The following TAX1BP1 variants were observed in gnomAD, a reference collection of about 807,000 sequenced individuals.
The protein encoded by TAX1BP1 is Tax1 binding protein 1, also known as tax1-binding protein 1.
A neutral mutation model predicts 97.7 loss-of-function variants in TAX1BP1; 62 were observed. The ratio of observed to expected loss-of-function variants is 0.63; its 90% CI spans 0.52 to 0.78. The LOEUF (loss-of-function observed/expected upper bound fraction) is 0.78, where lower values mean the gene tolerates loss of function less well. TAX1BP1 is among the 30% of genes least tolerant of loss of function. TAX1BP1 has a pLI of 0.00. For synonymous variants in TAX1BP1, 340 were observed against 304.2 expected (o/e 1.12, Z -1.23); for missense variants, 867 against 916.1 (o/e 0.95, Z 0.69).
At chr7:27,811,585 A>AT (rs35055673) in intron 13 of TAX1BP1, among the ~76,000 whole-genome samples, 20,404 of 147,376 alleles carry the variant, frequency 0.14, 1,611 homozygotes, top group African/African-American at 0.23. Context: ...CCTCTGGTTG[A>AT]TTTTTTTTTT....
intron 13 of TAX1BP1, among the ~76,000 whole-genome samples, chr7:27,814,782 C>A (rs1644107473): frequency 6.6e-6 from 1 of 151,902 alleles, no homozygotes. Context: ...GTCACCCATG[C>A]TGGAGTGCAG....
chr7:27,753,118 G>A (rs908781757), intron 2 of TAX1BP1, among the ~76,000 whole-genome samples: 1 of 152,142 alleles, frequency 6.6e-6, no homozygotes, highest in African/African-American at 2.4e-5. Context: ...TGGCCAAAAT[G>A]GCGAAACCCT....
rs1455904685 is a variant in TAX1BP1, at chr7:27,741,114, TCA to T, written c.-8+850_-8+851del. On this transcript the variant is annotated intron_variant, in intron 1 of 16. Transcript: ENST00000396319. ...CATACACAGTGTTAGATTTCCGGTT[TCA>T]CACAGTGGTTATGAATTGCTATTAT... is the stretch of plus-strand genomic sequence containing the variant. 3.9e-5 allele frequency among the ~76,000 whole-genome samples: 6 copies of T among 152,250 alleles called. No individual in the cohort carries two copies. The East Asian group carries it at 7.7e-4, about 20-fold the overall frequency.
intron 13 of TAX1BP1, among the ~76,000 whole-genome samples, chr7:27,812,340 C>G (rs1790587688): frequency 6.6e-6 from 1 of 152,096 alleles, no homozygotes; most frequent in Non-Finnish European, 1.5e-5. Context: ...TTTTATTGAG[C>G]TGTCTGTCAT....
At chr7:27,742,023 T>G (rs886786709) in intron 1 of TAX1BP1, among the ~76,000 whole-genome samples, 1 of 152,238 alleles carries the variant, frequency 6.6e-6, no homozygotes. Flanking sequence ...GCTGCCCACA[T>G]GTCCCACCTC....
intron 11 of TAX1BP1, 70 bp downstream of exon 11, chr7:27,794,516 G>A: frequency 7.1e-7 from 1 of 1,406,608 alleles, no homozygotes; most frequent in Non-Finnish European, 9.4e-7. Context: ...CTTCTTCCAT[G>A]TGTTAGAATT....
chr7:27,816,337 T>C lies in TAX1BP1; in HGVS notation c.1765-12T>C. ...TGCTTTGCTTATTCATCTTTGTTTTTGTTAATTTTAGGAACTTAAAAGGAG... is the reference window on the plus strand; with the variant it reads ...TGCTTTGCTTATTCATCTTTGTTTTCGTTAATTTTAGGAACTTAAAAGGAG... On this transcript the variant is annotated splice_polypyrimidine_tract_variant and intron_variant, in intron 13 of 16. Coordinates refer to ENST00000396319, the MANE Select transcript of TAX1BP1 (RefSeq NM_006024.7). 1 of 1,548,554 alleles carries C rather than the reference T, an allele frequency of 6.5e-7. No homozygotes were observed. Among genetic ancestry groups the C allele is most frequent in the African/African-American group, 1.4e-5 (1 of 70,384 alleles).
In TAX1BP1 at chr7:27,769,752, A is replaced by G; in HGVS notation, c.530A>G (p.Gln177Arg). Residue 177 changes from glutamine to arginine, a missense_variant, in exon 5 of 17, where the codon CAA becomes CGA. Gln to Arg is a conservative substitution (Grantham distance 43). This residue lies in a region of TAX1BP1 where 822 missense variants were observed against 851.4 expected (regional missense o/e 0.97). Coordinates refer to ENST00000396319, the MANE Select transcript of TAX1BP1 (RefSeq NM_006024.7). Reference sequence around the variant, plus strand: ...GCCGTTCTGGAAAAAGAAACAGCACAACTTCGAGAACAAGTTGGGAGAATG... The same window carrying G: ...GCCGTTCTGGAAAAAGAAACAGCACGACTTCGAGAACAAGTTGGGAGAATG... ...LIAVLEKETA[Q>R]LREQVGRMER... 1 of 1,612,782 alleles carries G rather than the reference A, an allele frequency of 6.2e-7. No individual in the cohort carries two copies.
At chr7:27,753,582 T>A (rs1004399800) in intron 2 of TAX1BP1, among the ~76,000 whole-genome samples, 4 of 152,228 alleles carry the variant, frequency 2.6e-5, no homozygotes, top group African/African-American at 9.6e-5. Flanking sequence ...ACTTTTCTGA[T>A]ACAGTCATAC....
intron 3 of TAX1BP1, among the ~76,000 whole-genome samples, chr7:27,759,855 C>A (rs927874457): frequency 1.4e-5 from 2 of 139,198 alleles, no homozygotes; most frequent in South Asian, 2.3e-4. Context: ...TTTTGTAAAT[C>A]TTTTTTTTTT....
chr7:27,793,201 T>G lies in TAX1BP1; in HGVS notation c.1399T>G (p.Ser467Ala), dbSNP rs775163173. ...QRLQKQINKL[S>A]DQSANNNNVF... The stretch of plus-strand genomic sequence containing the variant: ...GCTCCAAAAACAAATAAACAAACTT[T>G]CAGATCAATCAGTAAGTATCATTAA... The change falls in exon 10 of 17, where the codon TCA (serine) becomes GCA (alanine). Residue 467 changes from serine (S) to alanine (A), a missense_variant. By Grantham distance (99) the Ser-to-Ala change is moderately conservative. This residue lies in a region of TAX1BP1 where 822 missense variants were observed against 851.4 expected (regional missense o/e 0.97). Transcript: ENST00000396319. The G allele has an allele frequency of 6.3e-6, 10 of 1,582,136 alleles. No homozygotes were observed. The highest frequency in any genetic ancestry group is 8.5e-6 in the Non-Finnish European group (10 of 1,172,588).
chr7:27,778,138 G>A (rs1162034469), intron 5 of TAX1BP1, among the ~76,000 whole-genome samples: 1 of 152,054 alleles, frequency 6.6e-6, no homozygotes, highest in African/African-American at 2.4e-5. Context: ...CTATTCCATG[G>A]TACTCAAAGT....
intron 15 of TAX1BP1, 81 bp from the exon 16 acceptor site, chr7:27,827,657 G>A (rs1412489609): frequency 5.5e-6 from 6 of 1,094,370 alleles, no homozygotes; most frequent in South Asian, 1.4e-5. Flanking sequence ...CTTTTATACT[G>A]TCAGTATGTG....
intron 4 of TAX1BP1, 130 bp from the exon 5 acceptor site, chr7:27,769,546 G>C (rs1286028164): frequency 4.3e-6 from 3 of 691,492 alleles, no homozygotes; most frequent in Non-Finnish European, 7.1e-6. Flanking sequence ...TTGATATAAA[G>C]TAGGTAGAAT....
At position 27,769,890 on chromosome 7, in the gene TAX1BP1, C is replaced by G. The variant is rs145673092; in HGVS notation, c.612+56C>G. On this transcript the variant is annotated intron_variant, in intron 5 of 16. Coordinates refer to ENST00000396319, the MANE Select transcript of TAX1BP1 (RefSeq NM_006024.7). ...TTGATAGTATATTGCCTGAAACCCA[C>G]CTTTTTAAAGAGCTGAACCAATTAA... is the stretch of plus-strand genomic sequence containing the variant. The G allele has an allele frequency of 1.3e-3, 2,094 of 1,552,910 alleles. 13 individuals carry two copies. Among genetic ancestry groups the G allele is most frequent in the Middle Eastern group, 5.6e-3 (33 of 5,916 alleles).
chr7:27,787,365 TA>T, intron 7 of TAX1BP1, 52 bp from the exon 8 acceptor site: 1 of 1,439,614 alleles, frequency 6.9e-7, no homozygotes, highest in Admixed American at 2.3e-5. Flanking sequence ...AAACTTTGAC[TA>T]ACTTAGGTCA....
At chr7:27,821,868 C>G (rs1251646371) in intron 15 of TAX1BP1, among the ~76,000 whole-genome samples, 2 of 152,124 alleles carry the variant, frequency 1.3e-5, no homozygotes, top group Admixed American at 1.3e-4. Flanking sequence ...AACCCTCAGT[C>G]CACTTTGTTT....
At chr7:27,796,319 C>A in intron 12 of TAX1BP1, 100 bp downstream of exon 12, 1 of 1,010,830 alleles carries the variant, frequency 9.9e-7, no homozygotes. Context: ...GTTTCTTTTC[C>A]ATCTCCATAT....
upstream of TAX1BP1, chr7:27,740,000 G>C (rs969336057): frequency 1.3e-5 from 2 of 152,264 alleles, no homozygotes; most frequent in Non-Finnish European, 1.5e-5. Flanking sequence ...ACGAAGTAAG[G>C]AGAGAGCCAG....
Sources: gnomAD v4.1 joint callset for allele counts (sites outside exome capture counted in the v4.1 genomes callset) on GRCh38, gnomAD v4.1.1 for gene constraint, gnomAD v4.1.1 regional missense constraint, MANE v1.5 for transcripts, NCBI Gene and HGNC (gene_info 2026-07-23, HGNC 2026-07-21) for gene names.